The following NALF1 variants were observed in gnomAD, a reference collection of about 807,000 sequenced individuals.
The protein encoded by NALF1 is family with sequence similarity 155 member A.
Under a neutral mutation model 48.4 loss-of-function variants are expected in NALF1, and 3 were observed. That is an observed-to-expected ratio of 0.06 (90% confidence interval 0.03 to 0.16). The LOEUF (loss-of-function observed/expected upper bound fraction) is 0.16. Ranked by LOEUF, NALF1 falls within the 10% of genes least tolerant of loss-of-function variation. The pLI, the probability that NALF1 is intolerant of heterozygous loss-of-function variation, is 1.00. For missense variants in NALF1, 526 were observed against 571.5 expected, an observed-to-expected ratio of 0.92 and a Z score of 0.81; for synonymous variants, 262 against 245.7, an observed-to-expected ratio of 1.07 and a Z score of -0.62.
At chr13:107,178,719 G>A (rs1389030003) in intron 2 of NALF1, among the ~76,000 whole-genome samples, 2 of 152,114 alleles carry the variant, frequency 1.3e-5, no homozygotes, top group African/African-American at 4.8e-5. Context: ...CAAGGCGGGC[G>A]GATCACGAGG....
In NALF1 at chr13:107,463,772, T is replaced by C. The variant is rs565774664; in HGVS notation, c.916-253017A>G. On this transcript the variant is annotated intron_variant, in intron 1 of 2. Transcript: ENST00000375915. ...GAACAGAAGATGTAGAATATTTATATTAGCAAGGAAAAACAAGAGGAAAAG... is the reference window on the plus strand; with the variant it reads ...GAACAGAAGATGTAGAATATTTATACTAGCAAGGAAAAACAAGAGGAAAAG... Among the ~76,000 whole-genome samples the C allele has an allele frequency of 3.3e-5, 5 of 152,246 alleles. No individual in the cohort carries two copies. The South Asian group carries it at 6.2e-4, about 19-fold the overall frequency.
At position 107,727,739 on chromosome 13, in the gene NALF1, G is replaced by T. The variant is rs142861957; in HGVS notation, c.915+137943C>A. On this transcript the variant is annotated intron_variant, in intron 1 of 2. Transcript: ENST00000375915. ...AAAGAAACTATCATCAGAGTGAACA[G>T]GCAACCTACAGAATAGGAGAAAATT... 4.8e-3 allele frequency among the ~76,000 whole-genome samples: 735 copies of T among 152,232 alleles called. 6 individuals carry two copies. The highest frequency in any genetic ancestry group is 0.017 in the African/African-American group (705 of 41,526).
At chr13:107,602,410 C>T (rs1878955705) in intron 1 of NALF1, among the ~76,000 whole-genome samples, 1 of 88,504 alleles carries the variant, frequency 1.1e-5, no homozygotes, top group South Asian at 3.5e-4. Context: ...TCTCTGCCAC[C>T]CCTACTTTGG....
intron 1 of NALF1, among the ~76,000 whole-genome samples, chr13:107,733,143 T>C (rs1167521969): frequency 1.7e-5 from 1 of 58,272 alleles, no homozygotes; most frequent in African/African-American, 4.5e-5. Flanking sequence ...GTTATTCTAG[T>C]AGGATAAAAA....
chr13:107,324,639 A>G (rs1882316804), intron 1 of NALF1, among the ~76,000 whole-genome samples: 1 of 151,944 alleles, frequency 6.6e-6, no homozygotes, highest in South Asian at 2.1e-4. Flanking sequence ...CCATGCATTG[A>G]CTCATAGAAT....
chr13:107,341,768 G>A (rs1202636588), intron 1 of NALF1, among the ~76,000 whole-genome samples: 3 of 151,388 alleles, frequency 2.0e-5, no homozygotes, highest in Non-Finnish European at 4.4e-5. Context: ...TAATGTGTGT[G>A]TGTGTATATA....
chr13:107,856,908 G>A (rs796416076), intron 1 of NALF1, among the ~76,000 whole-genome samples: 6 of 152,296 alleles, frequency 3.9e-5, no homozygotes, highest in African/African-American at 1.4e-4. Flanking sequence ...TTTTGTAGGA[G>A]AGCAACTCCT....
At chr13:107,242,557 GAT>G (rs1409043901) in intron 1 of NALF1, among the ~76,000 whole-genome samples, 6 of 152,172 alleles carry the variant, frequency 3.9e-5, no homozygotes. Context: ...AGTTATGAAT[GAT>G]ATGTTTTGAA....
At chr13:107,619,869 C>A (rs1288971618) in intron 1 of NALF1, among the ~76,000 whole-genome samples, 1 of 152,130 alleles carries the variant, frequency 6.6e-6, no homozygotes, top group East Asian at 1.9e-4. Flanking sequence ...CAAACTGAAT[C>A]TTTTCATTTT....
At chr13:107,242,740 T>C (rs1247913388) in intron 1 of NALF1, among the ~76,000 whole-genome samples, 1 of 152,194 alleles carries the variant, frequency 6.6e-6, no homozygotes, top group Non-Finnish European at 1.5e-5. Flanking sequence ...TCCGTCTCTC[T>C]TTAGGTGAGA....
rs1340544319 is a variant in NALF1, at chr13:107,472,723, T to G, written c.916-261968A>C. 3.3e-5 allele frequency among the ~76,000 whole-genome samples: 5 copies of G among 152,122 alleles called. No individual in the cohort carries two copies. The South Asian group carries it at 6.2e-4, about 19-fold the overall frequency. On this transcript the variant is annotated intron_variant, in intron 1 of 2. Coordinates refer to ENST00000375915, the MANE Select transcript of NALF1 (RefSeq NM_001080396.3). ...GGCTTGCCAGGGGCTCTCGGGCCATTGACCACAGTCTCAAAGCTACACTAC... is the reference window on the plus strand; with the variant it reads ...GGCTTGCCAGGGGCTCTCGGGCCATGGACCACAGTCTCAAAGCTACACTAC...
In NALF1 at chr13:107,325,875, T is replaced by TATATATATAC. The variant is rs1555332559; in HGVS notation, c.916-115121_916-115120insGTATATATAT. 3.0e-5 allele frequency among the ~76,000 whole-genome samples: 3 copies of TATATATATAC among 100,886 alleles called. No homozygotes were observed. The East Asian group carries it at 8.7e-4, about 29-fold the overall frequency. The allele number at this position is 100,886 out of a possible 152,430, so 66.2% of individuals were successfully genotyped here. A position where few individuals can be genotyped will look rare whatever the true frequency, so the allele number is the denominator to read the frequency against. On this transcript the variant is annotated intron_variant, in intron 1 of 2. Coordinates refer to ENST00000375915, the MANE Select transcript of NALF1 (RefSeq NM_001080396.3). ...ACACACATATATATATATATATATATATATATATATATACACACACACACA... is the reference window on the plus strand; with the variant it reads ...ACACACATATATATATATATATATATATATATATACATATATATATATACACACACACACA...
chr13:107,524,465 A>G (rs1381312779), intron 1 of NALF1, among the ~76,000 whole-genome samples: 1 of 152,124 alleles, frequency 6.6e-6, no homozygotes, highest in Non-Finnish European at 1.5e-5. Context: ...CAATGTCAAC[A>G]TTTAAAGGAT....
chr13:107,446,656 T>G (rs1884656067), intron 1 of NALF1, among the ~76,000 whole-genome samples: 1 of 152,322 alleles, frequency 6.6e-6, no homozygotes, highest in South Asian at 2.1e-4. Context: ...TTATTTATAG[T>G]GGTGACTCCT....
At chr13:107,271,333 G>A (rs1261563152) in intron 1 of NALF1, among the ~76,000 whole-genome samples, 1 of 152,150 alleles carries the variant, frequency 6.6e-6, no homozygotes, top group Non-Finnish European at 1.5e-5. Flanking sequence ...CTGCAGGGGT[G>A]GTATTTGATG....
intron 1 of NALF1, among the ~76,000 whole-genome samples, chr13:107,400,122 T>C (rs1387789204): frequency 6.6e-6 from 1 of 152,158 alleles, no homozygotes. Flanking sequence ...ATGCAGGTAA[T>C]TGTTAACTAA....
At position 107,867,177 on chromosome 13, in the gene NALF1, C is replaced by T. The variant is rs1880764062; in HGVS notation, c.-581G>A. ...TCCTCCTCTTCCTCCTCCTTCCTTT[C>T]CTTCTCCTTCTTCTTCTCCTCCGCC... On this transcript the variant is annotated 5_prime_UTR_variant, in exon 1 of 3. Transcript: ENST00000375915. This position sits in a 1 kb window ranked among gnomAD's most constrained non-coding sequence, Gnocchi z 4.4. 6.6e-6 allele frequency among the ~76,000 whole-genome samples: 1 copy of T among 151,744 alleles called. No homozygotes were observed. Among genetic ancestry groups the T allele is most frequent in the Admixed American group, 6.6e-5 (1 of 15,266 alleles).
chr13:107,443,278 C>T (rs1023629788), intron 1 of NALF1, among the ~76,000 whole-genome samples: 1 of 152,048 alleles, frequency 6.6e-6, no homozygotes, highest in Non-Finnish European at 1.5e-5. Context: ...TGCAATAGTG[C>T]AATCTGGGCT....
intron 1 of NALF1, among the ~76,000 whole-genome samples, chr13:107,814,070 A>G (rs971579505): frequency 1.1e-4 from 16 of 152,142 alleles, no homozygotes; most frequent in African/African-American, 3.9e-4. Context: ...AGAAACATAA[A>G]AGGGAAACTC....
Sources: allele counts gnomAD v4.1 joint callset (sites outside exome capture counted in the v4.1 genomes callset), GRCh38; gene constraint gnomAD v4.1.1; non-coding constraint Gnocchi (gnomAD v3.1); transcripts MANE v1.5; gene names NCBI Gene and HGNC (gene_info 2026-07-23, HGNC 2026-07-21).